The following MYLK variants were observed in gnomAD, a reference collection of about 807,000 sequenced individuals.
MYLK encodes myosin light chain kinase, smooth muscle.
In MYLK, 106 loss-of-function variants were observed where a neutral mutation model predicts 203.4. The ratio of observed to expected loss-of-function variants is 0.52; its 90% CI spans 0.45 to 0.61. MYLK has a LOEUF of 0.61. Among genes scored for constraint, MYLK ranks in the 20% least tolerant of loss-of-function variants. The pLI is 0.00. For synonymous variants in MYLK, 867 were observed against 959.5 expected (o/e 0.90, Z 1.78); for missense variants, 2,072 against 2,442.3 (o/e 0.85, Z 3.20).
At chr3:123,835,758 C>T (rs2066461221) in intron 2 of MYLK, 1 of 152,170 alleles carries the variant, frequency 6.6e-6, no homozygotes, top group Non-Finnish European at 1.5e-5. Context: ...GTTATAGAAA[C>T]CAGAATCCCT....
In MYLK at chr3:123,723,817, G is replaced by A. The variant is rs532964760; in HGVS notation, c.1652-1537C>T. On this transcript the variant is annotated intron_variant, in intron 12 of 33. Transcript: ENST00000360304. ...CCGTCTTGAGTGATGTATAAACTAGGAGACAGCAAGCTATGGCTCCTGGGC... is the reference window on the plus strand; with the variant it reads ...CCGTCTTGAGTGATGTATAAACTAGAAGACAGCAAGCTATGGCTCCTGGGC... Among the ~76,000 whole-genome samples the A allele has an allele frequency of 1.8e-4, 28 of 152,242 alleles. 1 individual carries two copies. Among genetic ancestry groups the A allele is most frequent in the Non-Finnish European group, 3.4e-4 (23 of 68,044 alleles).
intron 9 of MYLK, 24 bp from the exon 10 acceptor site, chr3:123,734,246 T>TTGGGGGGG: frequency 7.1e-7 from 1 of 1,415,798 alleles, no homozygotes; most frequent in Non-Finnish European, 9.3e-7. Flanking sequence ...AGGGTGGGGG[T>TTGGGGGGG]AGGGTGGGTG....
intron 31 of MYLK, chr3:123,624,353 A>G (rs2107941876): frequency 6.7e-6 from 1 of 149,410 alleles, no homozygotes; most frequent in Admixed American, 6.7e-5. Context: ...AATCAGCACC[A>G]CTATGATTCC....
chr3:123,659,255 C>G (rs183925978), intron 23 of MYLK, among the ~76,000 whole-genome samples: 1 of 152,318 alleles, frequency 6.6e-6, no homozygotes, highest in African/African-American at 2.4e-5. Flanking sequence ...TGATTGGCCA[C>G]AGTTGGAGTT....
chr3:123,823,453 A>G (rs2066004235), intron 3 of MYLK, among the ~76,000 whole-genome samples: 1 of 152,050 alleles, frequency 6.6e-6, no homozygotes, highest in South Asian at 2.1e-4. Context: ...CTGTCCACCC[A>G]AGTGCTCAGG....
At chr3:123,622,825 A>G (rs999931497) in intron 31 of MYLK, 2 of 152,252 alleles carry the variant, frequency 1.3e-5, no homozygotes, top group African/African-American at 4.8e-5. Flanking sequence ...TGAGCTGACA[A>G]TTGGTTGTTG....
chr3:123,883,839 C>T (rs1187960680), intron 1 of MYLK, among the ~76,000 whole-genome samples: 1 of 152,170 alleles, frequency 6.6e-6, no homozygotes, highest in Admixed American at 6.5e-5. Context: ...GAAGGACCTT[C>T]ACGTGGCACC....
chr3:123,872,375 G>A (rs183479379), intron 2 of MYLK, among the ~76,000 whole-genome samples: 5 of 152,154 alleles, frequency 3.3e-5, no homozygotes, highest in African/African-American at 7.2e-5. Context: ...CACCAGCTGC[G>A]TCTTACAATC....
At chr3:123,806,961 G>A (rs556639190) in intron 3 of MYLK, among the ~76,000 whole-genome samples, 1 of 152,078 alleles carries the variant, frequency 6.6e-6, no homozygotes, top group East Asian at 1.9e-4. Flanking sequence ...CACCGTGCCT[G>A]GCCAACATAC....
intron 19 of MYLK, 58 bp from the exon 20 acceptor site, chr3:123,682,368 G>T (rs909933227): frequency 7.4e-7 from 1 of 1,358,878 alleles, no homozygotes; most frequent in Non-Finnish European, 1.0e-6. Flanking sequence ...GAGCAAAGGG[G>T]GTCTCTCAGT....
At chr3:123,760,277 CAAG>C (rs2063493221) in intron 4 of MYLK, among the ~76,000 whole-genome samples, 1 of 152,196 alleles carries the variant, frequency 6.6e-6, no homozygotes, top group Non-Finnish European at 1.5e-5. Flanking sequence ...CTCCCGGGTT[CAAG>C]TGACTCTCCT....
chr3:123,761,920 G>T (rs982849509), intron 4 of MYLK, among the ~76,000 whole-genome samples: 3 of 152,030 alleles, frequency 2.0e-5, no homozygotes, highest in African/African-American at 7.2e-5. Context: ...CCAGCTACTC[G>T]GGAGCCTGAG....
At chr3:123,882,960 T>C (rs931455712) in intron 1 of MYLK, among the ~76,000 whole-genome samples, 1 of 152,198 alleles carries the variant, frequency 6.6e-6, no homozygotes, top group African/African-American at 2.4e-5. Flanking sequence ...ATTAGAACCC[T>C]AAATGCCTTG....
chr3:123,664,352 G>T, intron 22 of MYLK, 94 bp from the exon 23 acceptor site: 1 of 1,560,138 alleles, frequency 6.4e-7, no homozygotes, highest in Non-Finnish European at 8.8e-7. Context: ...CCTGAAGGAT[G>T]CAGCTGGACA....
Position 123,614,344 on chromosome 3 carries a change from G to C in MYLK, c.5506C>G (p.Pro1836Ala). 3 of 1,614,150 alleles carry C rather than the reference G, an allele frequency of 1.9e-6. No homozygotes were observed. The highest frequency in any genetic ancestry group is 2.5e-6 in the Non-Finnish European group (3 of 1,180,030). Residue 1836 changes from proline (P) to alanine (A), a missense_variant, in exon 34 of 34, where the codon CCA (proline) becomes GCA (alanine). Around this residue, in one of 3 missense-constraint regions of MYLK, gnomAD observed 524 missense variants for 782.4 expected, o/e 0.67. Transcript: ENST00000360304. ...TTGAACCAGACAACCTCGGGGTCTG[G>C]GTATCCTGCATCACAGGGAGAGAAC... is the stretch of plus-strand genomic sequence containing the variant. Reference protein sequence around the residue: ...ARFDCKIEGYPDPEVVWFKDD... With the variant: ...ARFDCKIEGYADPEVVWFKDD...
chr3:123,700,047 T>G lies in MYLK; in HGVS notation c.3421A>C (p.Thr1141Pro). 1 of 1,613,956 alleles carries G rather than the reference T, an allele frequency of 6.2e-7. No homozygotes were observed. Among genetic ancestry groups the G allele is most frequent in the Non-Finnish European group, 8.5e-7 (1 of 1,179,976 alleles). Residue 1141 changes from threonine (T) to proline (P), a missense_variant, in exon 18 of 34, where the codon ACC becomes CCC. Physicochemically the swap from Thr to Pro is conservative, Grantham distance 38. Around this residue, in one of 3 missense-constraint regions of MYLK, gnomAD observed 865 missense variants for 1,016.0 expected, o/e 0.85. Transcript: ENST00000360304. ...TCCTGGGAGAGGATGATGAACTTGG[T>G]GGTCTTGAGGGTCTTTCCGTTCAGC... ...WTLNGKTLKT[T>P]KFIILSQEGS...
At chr3:123,745,984 A>C (rs1051461939) in intron 5 of MYLK, among the ~76,000 whole-genome samples, 3 of 151,774 alleles carry the variant, frequency 2.0e-5, no homozygotes, top group Admixed American at 2.0e-4. Context: ...CAGCCTCCTG[A>C]GTAGCTGGGA....
Position 123,736,580 on chromosome 3 carries a change from C to T in MYLK, c.754+798G>A, listed in dbSNP as rs150864287. Among the ~76,000 whole-genome samples, 538 of 152,070 alleles carry T rather than the reference C, an allele frequency of 3.5e-3. 2 individuals are homozygous for T. Among genetic ancestry groups the T allele is most frequent in the Non-Finnish European group, 5.8e-3 (393 of 67,990 alleles). On this transcript the variant is annotated intron_variant, in intron 8 of 33. Coordinates refer to ENST00000360304, the MANE Select transcript of MYLK (RefSeq NM_053025.4). ...TACAAGGAAGAACTGACAGGGCTGA[C>T]GACTCAAGGAGAAAGAGGCAGGGGT...
intron 19 of MYLK, among the ~76,000 whole-genome samples, chr3:123,686,593 AAG>A (rs1234102087): frequency 2.0e-5 from 3 of 152,086 alleles, no homozygotes; most frequent in Non-Finnish European, 4.4e-5. Context: ...CGTAGTAAGG[AAG>A]AGAGATCAGG....
Sources: gnomAD v4.1 joint callset for allele counts (sites outside exome capture counted in the v4.1 genomes callset) on GRCh38, gnomAD v4.1.1 for gene constraint, gnomAD v4.1.1 regional missense constraint, MANE v1.5 for transcripts, NCBI Gene and HGNC (gene_info 2026-07-23, HGNC 2026-07-21) for gene names.